Variants in RFX3 observed in about 807,000 individuals in gnomAD.
The protein encoded by RFX3 is transcription factor RFX3.
A neutral mutation model predicts 98.6 loss-of-function variants in RFX3; 14 were observed. The observed-to-expected ratio is 0.14, with a 90% CI of 0.09 to 0.22. The LOEUF is 0.22. RFX3 is among the 10% of genes least tolerant of loss of function. The pLI is 1.00. For missense variants in RFX3, 639 were observed against 926.9 expected (o/e 0.69, Z 4.03); for synonymous variants, 383 against 328.4 (o/e 1.17, Z -1.80).
At chr9:3,333,451 T>C (rs1794190982) in intron 3 of RFX3, among the ~76,000 whole-genome samples, 1 of 151,774 alleles carries the variant, frequency 6.6e-6, no homozygotes, top group Admixed American at 6.6e-5. Context: ...TTTTTTTTTT[T>C]TCCAGATAGA....
intron 1 of RFX3, among the ~76,000 whole-genome samples, chr9:3,508,919 T>C (rs1817390237): frequency 6.6e-6 from 1 of 151,498 alleles, no homozygotes; most frequent in South Asian, 2.1e-4. Context: ...CTAATTCAAG[T>C]CTGAGCTCAC....
At chr9:3,512,173 A>T (rs1053469225) in intron 1 of RFX3, among the ~76,000 whole-genome samples, 2 of 152,040 alleles carry the variant, frequency 1.3e-5, no homozygotes, top group Non-Finnish European at 2.9e-5. Context: ...AAACATAAGC[A>T]TTTTTTCAAG....
intron 2 of RFX3, among the ~76,000 whole-genome samples, chr9:3,367,722 G>C (rs915874610): frequency 2.0e-5 from 3 of 152,130 alleles, no homozygotes; most frequent in Non-Finnish European, 4.4e-5. Context: ...CCCTAATTAA[G>C]AGTAACACAC....
rs577012540 is a variant in RFX3, at chr9:3,401,249, T to G, written c.-8-5653A>C. 1.6e-4 allele frequency among the ~76,000 whole-genome samples: 25 copies of G among 152,334 alleles called. No individual in the cohort carries two copies. The East Asian group carries it at 4.8e-3, about 29-fold the overall frequency. On this transcript the variant is annotated intron_variant, in intron 1 of 16. Transcript: ENST00000617270. Reference sequence around the variant, plus strand: ...ATTAATTAGAATGTTAAAGCATGTTTGAGGAATATAACCCTCCCGCCAAAT... The same window carrying G: ...ATTAATTAGAATGTTAAAGCATGTTGGAGGAATATAACCCTCCCGCCAAAT...
chr9:3,477,639 G>A (rs4376541), intron 1 of RFX3, among the ~76,000 whole-genome samples: 3,114 of 152,146 alleles, frequency 0.02, 43 homozygotes, highest in Non-Finnish European at 0.031. Flanking sequence ...GATCACTTTG[G>A]GCTTATTCAA....
intron 15 of RFX3, among the ~76,000 whole-genome samples, chr9:3,232,038 ACAAGCAAG>A (rs66952089): frequency 3.5e-4 from 22 of 62,954 alleles, no homozygotes; most frequent in South Asian, 1.6e-3. Context: ...TGTCTCAAAA[ACAAGCAAG>A]CAAGCAAGCA....
At chr9:3,363,400 C>A (rs1836683352) in intron 2 of RFX3, among the ~76,000 whole-genome samples, 1 of 152,102 alleles carries the variant, frequency 6.6e-6, no homozygotes, top group South Asian at 2.1e-4. Context: ...TACATAGATA[C>A]AGATTCATAC....
intron 4 of RFX3, among the ~76,000 whole-genome samples, chr9:3,325,344 AC>A: frequency 6.6e-6 from 1 of 152,216 alleles, no homozygotes; most frequent in Admixed American, 6.5e-5. Context: ...ACTAGGCCAA[AC>A]TTTTACTTAT....
Position 3,251,858 on chromosome 9 carries a change from T to C in RFX3, c.1815-3673A>G, listed in dbSNP as rs868490412. Among the ~76,000 whole-genome samples the C allele has an allele frequency of 9.9e-5, 15 of 152,182 alleles. 1 individual carries two copies. The South Asian group carries it at 2.1e-3, about 21-fold the overall frequency. ...CTTTCTATTTCTCTTTCTCTTTTTT[T>C]TGTTTTTGAGATGGAGTCTCGCTCT... On this transcript the variant is annotated intron_variant, in intron 14 of 16. Coordinates refer to ENST00000617270, the MANE Select transcript of RFX3 (RefSeq NM_001282116.2).
chr9:3,484,912 C>G (rs940044900), intron 1 of RFX3, among the ~76,000 whole-genome samples: 1 of 147,780 alleles, frequency 6.8e-6, no homozygotes, highest in African/African-American at 2.5e-5. Context: ...AGGGAGACAC[C>G]CCCCCCCACC....
At chr9:3,447,371 C>G (rs1427505862) in intron 1 of RFX3, among the ~76,000 whole-genome samples, 3 of 151,930 alleles carry the variant, frequency 2.0e-5, no homozygotes, top group African/African-American at 4.8e-5. Context: ...GAGATAATAA[C>G]TGAATGATTT....
chr9:3,299,011 T>C (rs1411630917), intron 5 of RFX3, among the ~76,000 whole-genome samples: 1 of 151,718 alleles, frequency 6.6e-6, no homozygotes, highest in African/African-American at 2.4e-5. Flanking sequence ...GAGACAGTGA[T>C]AAATCAGGGA....
Position 3,369,683 on chromosome 9 carries a change from G to A in RFX3, c.118-22919C>T, listed in dbSNP as rs75306410. Among the ~76,000 whole-genome samples the A allele has an allele frequency of 7.9e-5, 12 of 152,286 alleles. No individual in the cohort carries two copies. The East Asian group carries it at 2.3e-3, about 29-fold the overall frequency. ...ACAACAAATCAGATAATTACTTAAA[G>A]AATACTTTTACACTAGCGAAAGCAA... is the stretch of plus-strand genomic sequence containing the variant. On this transcript the variant is annotated intron_variant, in intron 2 of 16. Coordinates refer to ENST00000617270, the MANE Select transcript of RFX3 (RefSeq NM_001282116.2).
rs775072836 is a variant in RFX3, at chr9:3,270,358, G to C, written c.1357+13C>G. 6 of 1,608,706 alleles carry C rather than the reference G, an allele frequency of 3.7e-6. No homozygotes were observed. Among genetic ancestry groups the C allele is most frequent in the Non-Finnish European group, 5.1e-6 (6 of 1,178,024 alleles). ...AGAACAAAAGCATCCGTACTCGTCT[G>C]CATTTAACTTACTAGGAATAGGTCT... On this transcript the variant is annotated intron_variant, in intron 11 of 16. Transcript: ENST00000617270.
At chr9:3,295,005 T>G (rs897622397) in intron 5 of RFX3, among the ~76,000 whole-genome samples, 2 of 152,148 alleles carry the variant, frequency 1.3e-5, no homozygotes, top group African/African-American at 4.8e-5. Flanking sequence ...TCTTTTGTTA[T>G]GAATCATCTA....
chr9:3,450,512 T>G (rs973945332), intron 1 of RFX3, among the ~76,000 whole-genome samples: 2 of 152,112 alleles, frequency 1.3e-5, no homozygotes, highest in African/African-American at 4.8e-5. Flanking sequence ...AAAAAGAACA[T>G]TTTTTTAAAT....
chr9:3,258,644 T>C (rs1419677135), intron 13 of RFX3, among the ~76,000 whole-genome samples: 1 of 151,930 alleles, frequency 6.6e-6, no homozygotes, highest in Non-Finnish European at 1.5e-5. Context: ...TTAAGTATAC[T>C]AAAATATCAT....
intron 2 of RFX3, among the ~76,000 whole-genome samples, chr9:3,374,928 T>G (rs748402270): frequency 1.3e-5 from 2 of 151,662 alleles, no homozygotes; most frequent in African/African-American, 4.8e-5. Context: ...AGTCTTCAAA[T>G]TAGCATTAAC....
intron 1 of RFX3, among the ~76,000 whole-genome samples, chr9:3,511,687 T>C (rs1817678223): frequency 6.6e-6 from 1 of 152,042 alleles, no homozygotes; most frequent in Non-Finnish European, 1.5e-5. Context: ...GTTAAAAGAA[T>C]GGCAGACAAA....
Sources: gnomAD v4.1 joint callset for allele counts (sites outside exome capture counted in the v4.1 genomes callset) on GRCh38, gnomAD v4.1.1 for gene constraint, MANE v1.5 for transcripts, NCBI Gene and HGNC (gene_info 2026-07-23, HGNC 2026-07-21) for gene names.